Variants in CENPT observed in about 807,000 individuals in gnomAD.
The protein encoded by CENPT is centromere protein T, also known as interphase centromere complex protein 22.
A neutral mutation model predicts 59.7 loss-of-function variants in CENPT; 42 were observed. That is an observed-to-expected ratio of 0.70 (90% CI 0.55 to 0.91). The LOEUF is 0.91. CENPT is among the 40% of genes least tolerant of loss of function. CENPT has a pLI of 0.00. For synonymous variants in CENPT, 295 were observed against 289.6 expected, an observed-to-expected ratio of 1.02 and a Z score of -0.19; for missense variants, 716 against 713.4, an observed-to-expected ratio of 1.00 and a Z score of -0.04.
At position 67,833,904 on chromosome 16, in the gene CENPT, T is replaced by C. The variant is rs2057718544; in HGVS notation, c.-45A>G. 2 of 1,277,004 alleles carry C rather than the reference T, an allele frequency of 1.6e-6. No homozygotes were observed. The highest frequency in any genetic ancestry group is 1.6e-5 in the African/African-American group (1 of 64,368). The allele number at this position is 1,277,004 out of a possible 1,614,324, so 79.1% of individuals were successfully genotyped here. On this transcript the variant is annotated 5_prime_UTR_variant, in exon 4 of 16. Transcript: ENST00000562787. ...CCTAACCGCCCAGCCAGCTGCAGGC[T>C]CCGCCTTCCCGCCGCCACAGTTAAT... is the stretch of plus-strand genomic sequence containing the variant.
intron 1 of CENPT, among the ~76,000 whole-genome samples, chr16:67,839,381 C>CAAAAAAAAAAAAAAAAAAAACAAAAA (rs533840724): frequency 1.8e-5 from 1 of 54,170 alleles, no homozygotes; most frequent in Non-Finnish European, 3.8e-5. Context: ...AACTCCACCT[C>CAAAAAAAAAAAAAAAAAAAACAAAAA]AAAAAAAAAA....
At chr16:67,838,294 T>C (rs1216512343) in intron 1 of CENPT, among the ~76,000 whole-genome samples, 1 of 152,192 alleles carries the variant, frequency 6.6e-6, no homozygotes, top group Non-Finnish European at 1.5e-5. Context: ...ACAGTTACAA[T>C]GATCTTTTGC....
chr16:67,831,891 C>T lies in CENPT; in HGVS notation c.387-1G>A. ...GAGCTCAGGAAGTTGCAGCTCCAGG[C>T]TATAAGAATGGAGCTTATCTCAGAC... On this transcript the variant is annotated splice_acceptor_variant, in intron 7 of 15. Transcript: ENST00000562787. LOFTEE classifies it high-confidence loss of function. 1.2e-6 allele frequency: 2 copies of T among 1,610,986 alleles called. No homozygotes were observed. The highest frequency in any genetic ancestry group is 1.1e-5 in the South Asian group (1 of 90,680).
At position 67,831,119 on chromosome 16, in the gene CENPT, C is replaced by T. The variant is rs765869925; in HGVS notation, c.703+97G>A. ...CAGAGTTGCTCGCTGTCCTTGACCCCACCGAGAGGGGTGCAACCCTGACTC... is the reference window on the plus strand; with the variant it reads ...CAGAGTTGCTCGCTGTCCTTGACCCTACCGAGAGGGGTGCAACCCTGACTC... On this transcript the variant is annotated intron_variant, in intron 10 of 15. Transcript: ENST00000562787. The T allele has an allele frequency of 3.9e-6, 6 of 1,543,760 alleles. No homozygotes were observed. In the South Asian group the frequency reaches 5.6e-5, roughly 15 times the overall value.
chr16:67,846,535 G>A (rs1272646593), intron 1 of CENPT, among the ~76,000 whole-genome samples: 1 of 152,246 alleles, frequency 6.6e-6, no homozygotes, highest in Non-Finnish European at 1.5e-5. Context: ...AGCGGAAACG[G>A]CCCAGGGGCC....
In CENPT at chr16:67,843,944, C is replaced by T. The variant is rs560952417; in HGVS notation, c.-492+3457G>A. ...CTCCTCCTTTTCATGCTTTTCCTTCCCAGGTGCAGCCTGTGATTCTGATGG... is the reference window on the plus strand; with the variant it reads ...CTCCTCCTTTTCATGCTTTTCCTTCTCAGGTGCAGCCTGTGATTCTGATGG... On this transcript the variant is annotated intron_variant, in intron 1 of 15. Coordinates refer to ENST00000562787, the MANE Select transcript of CENPT (RefSeq NM_025082.4). The surrounding 1 kb of genome is among the most constrained non-coding windows in gnomAD (Gnocchi z 5.7). 5.9e-6 allele frequency: 1 copy of T among 170,010 alleles called. No homozygotes were observed. The highest frequency in any genetic ancestry group is 2.0e-4 in the South Asian group (1 of 5,060). 10.5% of individuals were successfully genotyped at this position (170,010 alleles called of 1,614,324 possible).
intron 6 of CENPT, 51 bp downstream of exon 6, chr16:67,832,177 C>A: frequency 1.2e-6 from 2 of 1,607,994 alleles, no homozygotes; most frequent in Non-Finnish European, 1.7e-6. Flanking sequence ...TACCACAAGA[C>A]TGGGGTTGGA....
intron 1 of CENPT, among the ~76,000 whole-genome samples, chr16:67,837,905 T>G (rs2057742215): frequency 6.6e-6 from 1 of 152,204 alleles, no homozygotes; most frequent in Non-Finnish European, 1.5e-5. Flanking sequence ...GACATTATTC[T>G]AAATGGAATA....
Position 67,833,927 on chromosome 16 carries a change from A to T in CENPT, c.-68T>A, listed in dbSNP as rs2057718748. ...GCTCCGCCTTCCCGCCGCCACAGTTAATGTAACTCTCGCGATGCTCCCGCA... is the reference window on the plus strand; with the variant it reads ...GCTCCGCCTTCCCGCCGCCACAGTTTATGTAACTCTCGCGATGCTCCCGCA... On this transcript the variant is annotated 5_prime_UTR_variant, in exon 4 of 16. Transcript: ENST00000562787. 6 of 1,049,182 alleles carry T rather than the reference A, an allele frequency of 5.7e-6. No individual in the cohort carries two copies. Among genetic ancestry groups the T allele is most frequent in the Non-Finnish European group, 7.9e-6 (6 of 760,788 alleles). The allele number at this position is 1,049,182 out of a possible 1,614,324, so 65.0% of individuals were successfully genotyped here.
At chr16:67,840,919 G>C (rs2057756662) in intron 1 of CENPT, among the ~76,000 whole-genome samples, 2 of 150,760 alleles carry the variant, frequency 1.3e-5, no homozygotes, top group African/African-American at 2.4e-5. Flanking sequence ...TAGCACTTTG[G>C]GAGGCCGAGG....
In CENPT at chr16:67,837,179, T is replaced by C. The variant is rs948827528; in HGVS notation, c.-491-1521A>G. On this transcript the variant is annotated intron_variant, in intron 1 of 15. Coordinates refer to ENST00000562787, the MANE Select transcript of CENPT (RefSeq NM_025082.4). ...GCCACCGTGCCTTGCCTTTTTTTTT[T>C]CTTTTTTTTTTGAGACAGGGTCTCG... Among the ~76,000 whole-genome samples, 87 of 151,706 alleles carry C rather than the reference T, an allele frequency of 5.7e-4. 2 individuals are homozygous for C. Among genetic ancestry groups the C allele is most frequent in the Non-Finnish European group, 6.2e-4 (42 of 67,952 alleles).
At chr16:67,839,186 C>A (rs545807293) in intron 1 of CENPT, among the ~76,000 whole-genome samples, 1 of 151,074 alleles carries the variant, frequency 6.6e-6, no homozygotes, top group South Asian at 2.1e-4. Context: ...CAGGAGTTTG[C>A]GACCAACCTG....
At chr16:67,832,620 G>C (rs2057704453) in intron 4 of CENPT, 75 bp from the exon 5 acceptor site, 7 of 1,360,636 alleles carry the variant, frequency 5.1e-6, no homozygotes. Context: ...GCCTTCATCA[G>C]GGGTCTTGGT....
chr16:67,846,413 C>G (rs1339856329), intron 1 of CENPT, among the ~76,000 whole-genome samples: 2 of 152,234 alleles, frequency 1.3e-5, no homozygotes, highest in African/African-American at 4.8e-5. Flanking sequence ...GAGGTGCAGG[C>G]GCACGAATGT....
rs767520963 is a variant in CENPT at position 67,843,112 on chromosome 16, G to A, written c.-492+4289C>T. The A allele has an allele frequency of 4.3e-6, 7 of 1,610,632 alleles. No homozygotes were observed. In the Admixed American group the frequency reaches 1.0e-4, roughly 23 times the overall value. On this transcript the variant is annotated intron_variant, in intron 1 of 15. Coordinates refer to ENST00000562787, the MANE Select transcript of CENPT (RefSeq NM_025082.4). The surrounding 1 kb of genome is among the most constrained non-coding windows in gnomAD (Gnocchi z 5.7). ...TCACTCCCACTGGAGAAGACGTGAA[G>A]CCCATCGATCTCACAGTGCAAGTGG...
At position 67,830,043 on chromosome 16, in the gene CENPT, A is replaced by G. The variant is rs1396016993; in HGVS notation, c.908T>C (p.Val303Ala). Reference protein sequence around the residue: ...AQFLAGEAEEVNAFALGFLST... With the variant: ...AQFLAGEAEEANAFALGFLST... ...CAGGAAGCCCAGAGCAAAGGCATTG[A>G]CCTCCTCTGCCTCTCCTGCCAGAAA... Residue 303 changes from valine (V) to alanine (A), a missense_variant, in exon 12 of 16, where the codon GTC (valine) becomes GCC (alanine). Coordinates refer to ENST00000562787, the MANE Select transcript of CENPT (RefSeq NM_025082.4). 6.2e-7 allele frequency: 1 copy of G among 1,614,074 alleles called. No individual in the cohort carries two copies. The highest frequency in any genetic ancestry group is 1.3e-5 in the African/African-American group (1 of 74,994).
chr16:67,832,638 C>T (rs949296253), intron 4 of CENPT, 93 bp from the exon 5 acceptor site: 15 of 1,163,486 alleles, frequency 1.3e-5, no homozygotes, highest in African/African-American at 1.5e-5. Context: ...GGTCTGGAGC[C>T]GTTTTCCCTC....
chr16:67,843,200 G>T lies in CENPT; in HGVS notation c.-492+4201C>A. The T allele has an allele frequency of 1.9e-6, 3 of 1,611,358 alleles. No individual in the cohort carries two copies. Among genetic ancestry groups the T allele is most frequent in the South Asian group, 2.2e-5 (2 of 91,074 alleles). Reference sequence around the variant, plus strand: ...CGCGTCGGAGTTACAGGCTGCTACCGCAGGGCTGGAGGCTGCCGAGTGCCC... The same window carrying T: ...CGCGTCGGAGTTACAGGCTGCTACCTCAGGGCTGGAGGCTGCCGAGTGCCC... On this transcript the variant is annotated intron_variant, in intron 1 of 15. Coordinates refer to ENST00000562787, the MANE Select transcript of CENPT (RefSeq NM_025082.4). The surrounding 1 kb of genome is among the most constrained non-coding windows in gnomAD (Gnocchi z 5.7).
At chr16:67,837,134 T>A (rs142244326) in intron 1 of CENPT, among the ~76,000 whole-genome samples, 7,594 of 151,720 alleles carry the variant, frequency 0.05, 556 homozygotes, top group African/African-American at 0.17. Flanking sequence ...CCTCCCAAAG[T>A]GCTGGGATTA....
Sources: gnomAD v4.1 joint callset for allele counts (sites outside exome capture counted in the v4.1 genomes callset) on GRCh38, gnomAD v4.1.1 for gene constraint, Gnocchi (gnomAD v3.1) non-coding constraint, MANE v1.5 for transcripts, NCBI Gene and HGNC (gene_info 2026-07-23, HGNC 2026-07-21) for gene names.